Variants in DGKI observed in about 807,000 individuals in gnomAD.
DGKI encodes the protein DAG kinase iota.
Under a neutral mutation model 147.5 loss-of-function variants are expected in DGKI, and 55 were observed. The observed-to-expected ratio is 0.37, with a 90% CI of 0.30 to 0.47. The LOEUF is 0.47. Ranked by LOEUF, DGKI falls within the 20% of genes least tolerant of loss-of-function variation. DGKI has a pLI of 1.00. For missense variants in DGKI, 1,007 were observed against 1,323.8 expected (o/e 0.76, Z 3.71); for synonymous variants, 469 against 477.1 (o/e 0.98, Z 0.22).
intron 28 of DGKI, among the ~76,000 whole-genome samples, chr7:137,426,416 G>A (rs1812808477): frequency 6.6e-6 from 1 of 152,014 alleles, no homozygotes; most frequent in African/African-American, 2.4e-5. Flanking sequence ...ACATAGAAAG[G>A]AACAACCGGT....
chr7:137,474,076 G>T (rs1417782164), intron 23 of DGKI, among the ~76,000 whole-genome samples: 1 of 152,120 alleles, frequency 6.6e-6, no homozygotes, highest in Non-Finnish European at 1.5e-5. Flanking sequence ...AAGAAGAAGT[G>T]AGTTCTTAAA....
intron 20 of DGKI, among the ~76,000 whole-genome samples, chr7:137,549,119 G>A (rs1817962253): frequency 6.6e-6 from 1 of 152,220 alleles, no homozygotes; most frequent in Non-Finnish European, 1.5e-5. Context: ...GTAGTTTCAT[G>A]TGTACAGCTG....
At chr7:137,807,349 G>A (rs931994566) in intron 1 of DGKI, among the ~76,000 whole-genome samples, 7 of 152,166 alleles carry the variant, frequency 4.6e-5, no homozygotes, top group African/African-American at 7.2e-5. Flanking sequence ...AGTTCCAAAT[G>A]GATTTTATGT....
chr7:137,665,615 T>TC (rs1174620315), intron 3 of DGKI, among the ~76,000 whole-genome samples: 3 of 152,140 alleles, frequency 2.0e-5, no homozygotes, highest in Non-Finnish European at 4.4e-5. Context: ...TCCTAGCACC[T>TC]CCCCTGAGTA....
intron 1 of DGKI, among the ~76,000 whole-genome samples, chr7:137,714,395 C>T (rs560410485): frequency 6.6e-6 from 1 of 152,264 alleles, no homozygotes; most frequent in Middle Eastern, 3.4e-3. Context: ...GAGTGCCCAT[C>T]ATTGCTACTT....
At chr7:137,522,640 A>G (rs28758372) in intron 20 of DGKI, among the ~76,000 whole-genome samples, 6,271 of 152,140 alleles carry the variant, frequency 0.041, 295 homozygotes, top group African/African-American at 0.11. Flanking sequence ...ATGCATACTG[A>G]CTCCAGACAC....
intron 19 of DGKI, 42 bp from the exon 20 acceptor site, chr7:137,552,610 T>G: frequency 6.2e-7 from 1 of 1,603,366 alleles, no homozygotes; most frequent in Non-Finnish European, 8.5e-7. Flanking sequence ...AGTTAGTTAT[T>G]ATTTAAGAAA....
chr7:137,733,530 T>A lies in DGKI; in HGVS notation c.402-43528A>T, dbSNP rs118099798. On this transcript the variant is annotated intron_variant, in intron 1 of 32. Transcript: ENST00000614521. ...GGATTATTTCCACCTTTGGCTTAGA[T>A]GTACTACTTTTACAAAGTTTTATCC... Among the ~76,000 whole-genome samples, 10 of 152,240 alleles carry A rather than the reference T, an allele frequency of 6.6e-5. No individual in the cohort carries two copies. The East Asian group carries it at 1.7e-3, about 26-fold the overall frequency.
At chr7:137,466,703 G>C (rs567152042) in intron 25 of DGKI, among the ~76,000 whole-genome samples, 199 bp downstream of exon 25, 1 of 152,238 alleles carries the variant, frequency 6.6e-6, no homozygotes, top group Non-Finnish European at 1.5e-5. Flanking sequence ...TCATTTGCAA[G>C]ATTAAGCCAC....
At chr7:137,772,058 G>A (rs149272139) in intron 1 of DGKI, 1 of 152,288 alleles carries the variant, frequency 6.6e-6, no homozygotes, top group African/African-American at 2.4e-5. Context: ...TAAAAATCAT[G>A]ACTGGTTTCC....
intron 32 of DGKI, among the ~76,000 whole-genome samples, chr7:137,393,393 C>G (rs1276629385): frequency 1.3e-5 from 2 of 152,114 alleles, no homozygotes; most frequent in African/African-American, 4.8e-5. Context: ...TTCATGGCTT[C>G]TCTCTGTTTT....
At chr7:137,628,393 T>C (rs549735109) in intron 6 of DGKI, among the ~76,000 whole-genome samples, 2 of 152,298 alleles carry the variant, frequency 1.3e-5, no homozygotes, top group African/African-American at 4.8e-5. Context: ...ACAGCAACCA[T>C]AGCTTCGGGC....
intron 27 of DGKI, chr7:137,453,077 A>G (rs950960505): frequency 1.3e-5 from 2 of 152,216 alleles, no homozygotes; most frequent in African/African-American, 4.8e-5. Context: ...CAGAAACCTC[A>G]TCTTTTTCTT....
At chr7:137,678,756 A>T in intron 2 of DGKI, 104 bp from the exon 3 acceptor site, 1 of 982,260 alleles carries the variant, frequency 1.0e-6, no homozygotes, top group South Asian at 1.4e-5. Context: ...GAAACCAAGG[A>T]GTCTAAACAT....
chr7:137,832,847 T>C (rs1411772317), intron 1 of DGKI, among the ~76,000 whole-genome samples: 1 of 152,252 alleles, frequency 6.6e-6, no homozygotes, highest in Non-Finnish European at 1.5e-5. Context: ...TACTTCTTGA[T>C]TGCTTTGCTG....
At chr7:137,787,674 C>T (rs1280267290) in intron 1 of DGKI, among the ~76,000 whole-genome samples, 1 of 152,136 alleles carries the variant, frequency 6.6e-6, no homozygotes, top group Non-Finnish European at 1.5e-5. Flanking sequence ...GTTTAAGCGG[C>T]ACAACTTGCA....
At chr7:137,823,659 G>A (rs141451980) in intron 1 of DGKI, among the ~76,000 whole-genome samples, 2,124 of 152,298 alleles carry the variant, frequency 0.014, 149 homozygotes, top group Admixed American at 0.12. Flanking sequence ...CAGAGGATCC[G>A]CCTGAGGAAA....
chr7:137,820,375 G>A (rs1049601176), intron 1 of DGKI, among the ~76,000 whole-genome samples: 6 of 152,146 alleles, frequency 3.9e-5, no homozygotes, highest in Admixed American at 3.9e-4. Context: ...TCAGAACATA[G>A]TTTCTGATTC....
chr7:137,607,795 A>T (rs534156528), intron 10 of DGKI, among the ~76,000 whole-genome samples: 1 of 152,310 alleles, frequency 6.6e-6, no homozygotes, highest in Non-Finnish European at 1.5e-5. Flanking sequence ...TCCTCTAATG[A>T]TGTCTTAGAA....
Sources: gnomAD v4.1 joint callset for allele counts (sites outside exome capture counted in the v4.1 genomes callset) on GRCh38, gnomAD v4.1.1 for gene constraint, MANE v1.5 for transcripts, NCBI Gene and HGNC (gene_info 2026-07-23, HGNC 2026-07-21) for gene names.